CPLX2: variants seen among roughly 807,000 people sequenced by gnomAD.
The protein encoded by CPLX2 is complexin-2.
A neutral mutation model predicts 16.3 loss-of-function variants in CPLX2; 5 were observed. The observed-to-expected ratio is 0.31, with a 90% confidence interval of 0.16 to 0.64. CPLX2 has a LOEUF of 0.64. Among genes scored for constraint, CPLX2 ranks in the 30% least tolerant of loss-of-function variants. The probability of loss-of-function intolerance (pLI) is 0.79; values close to 1 mark genes in which losing one functional copy is unlikely to be tolerated. For missense variants in CPLX2, 144 were observed against 181.4 expected (o/e 0.79, Z 1.18); for synonymous variants, 89 against 73.2 (o/e 1.22, Z -1.10).
At chr5:175,846,295 G>A (rs1759043197) in intron 2 of CPLX2, among the ~76,000 whole-genome samples, 1 of 152,146 alleles carries the variant, frequency 6.6e-6, no homozygotes, top group Non-Finnish European at 1.5e-5. Context: ...CCTGTGGTCA[G>A]CCCCGCAGTA....
rs73803063 is a variant in CPLX2, at chr5:175,843,784, T to C, written c.-89+34716T>C. Reference sequence around the variant, plus strand: ...TAGGTGCTGGCTCCTCTCACCTGGGTTCCTCCAACTGAGGGGAAAGCCTCA... The same window carrying C: ...TAGGTGCTGGCTCCTCTCACCTGGGCTCCTCCAACTGAGGGGAAAGCCTCA... On this transcript the variant is annotated intron_variant, in intron 2 of 4. Transcript: ENST00000359546. Among the ~76,000 whole-genome samples the C allele has an allele frequency of 2.4e-3, 364 of 152,304 alleles. 2 individuals are homozygous for C. The highest frequency in any genetic ancestry group is 8.3e-3 in the African/African-American group (345 of 41,570).
Position 175,849,518 on chromosome 5 carries a change from G to A in CPLX2, c.-88-29134G>A, listed in dbSNP as rs1759111711. Among the ~76,000 whole-genome samples, 1 of 152,204 alleles carries A rather than the reference G, an allele frequency of 6.6e-6. No individual in the cohort carries two copies. The highest frequency in any genetic ancestry group is 6.5e-5 in the Admixed American group (1 of 15,288). On this transcript the variant is annotated intron_variant, in intron 2 of 4. Coordinates refer to the CPLX2 transcript ENST00000359546. The surrounding 1 kb of genome is among the most constrained non-coding windows in gnomAD (Gnocchi z 4.4). ...TTGACCTTGAGGGGCTCCCAGCATG[G>A]CTGGGGAGATAGCACATAAGCAGAG...
intron 2 of CPLX2, among the ~76,000 whole-genome samples, chr5:175,825,937 C>CAAA (rs35250246): frequency 0.012 from 528 of 44,346 alleles, 47 homozygotes; most frequent in South Asian, 0.024. Flanking sequence ...TGAATAAGTG[C>CAAA]AAAAAAAAAA....
intron 1 of CPLX2, among the ~76,000 whole-genome samples, chr5:175,808,240 A>G (rs1263289489): frequency 2.0e-5 from 3 of 152,088 alleles, no homozygotes; most frequent in African/African-American, 4.8e-5. Flanking sequence ...TCATCTATCA[A>G]ATGAGGATGG....
chr5:175,873,473 T>A (rs1423444831), intron 1 of CPLX2, among the ~76,000 whole-genome samples: 1 of 152,012 alleles, frequency 6.6e-6, no homozygotes, highest in Non-Finnish European at 1.5e-5. Context: ...ACTGGTCCTG[T>A]CCTGAGAGGA....
intron 2 of CPLX2, among the ~76,000 whole-genome samples, chr5:175,862,180 A>G (rs891522113): frequency 5.9e-5 from 9 of 152,240 alleles, no homozygotes; most frequent in African/African-American, 1.9e-4. Flanking sequence ...TCCCTGGCAT[A>G]CAGTAGATGC....
intron 2 of CPLX2, among the ~76,000 whole-genome samples, chr5:175,865,510 C>T (rs1271366343): frequency 3.3e-5 from 5 of 152,186 alleles, no homozygotes. Context: ...ACTAAAAATT[C>T]CTCCTAGAAC....
In CPLX2 at chr5:175,816,669, G is replaced by A. The variant is rs11959594; in HGVS notation, c.-89+7601G>A. Among the ~76,000 whole-genome samples, 1,269 of 152,340 alleles carry A rather than the reference G, an allele frequency of 8.3e-3. 21 individuals are homozygous for A. Among genetic ancestry groups the A allele is most frequent in the African/African-American group, 0.03 (1,236 of 41,578 alleles). ...TCCAAAAGGAGGACTTGGGCTATGC[G>A]TGGGGCAGAGGCAGCCAGGAACCAG... On this transcript the variant is annotated intron_variant, in intron 2 of 4. Transcript: ENST00000359546.
chr5:175,871,430 A>ACAGAGAGAGAGG, upstream of CPLX2: 1 of 109,554 alleles, frequency 9.1e-6, no homozygotes, highest in East Asian at 2.8e-4. Flanking sequence ...AGAGAGAGAG[A>ACAGAGAGAGAGG]GACAGAGAGA....
In CPLX2 at chr5:175,843,247, C is replaced by G. The variant is rs532479361; in HGVS notation, c.-89+34179C>G. Among the ~76,000 whole-genome samples the G allele has an allele frequency of 3.9e-3, 600 of 152,332 alleles. 8 individuals are homozygous for G. Among genetic ancestry groups the G allele is most frequent in the African/African-American group, 0.013 (541 of 41,578 alleles). On this transcript the variant is annotated intron_variant, in intron 2 of 4. Coordinates refer to the CPLX2 transcript ENST00000359546. The stretch of plus-strand genomic sequence containing the variant: ...CCTCCTCCAGCCCCTCTCTCGAGCT[C>G]TGCCTTCCCCACAAGCCTTTGATGG...
chr5:175,854,271 C>T (rs1369689300), intron 2 of CPLX2, among the ~76,000 whole-genome samples: 1 of 152,190 alleles, frequency 6.6e-6, no homozygotes, highest in Non-Finnish European at 1.5e-5. Context: ...GCCAGGCCTT[C>T]GTTTGCTGGA....
chr5:175,848,044 G>A (rs912787019), intron 2 of CPLX2, among the ~76,000 whole-genome samples: 1 of 152,242 alleles, frequency 6.6e-6, no homozygotes, highest in Non-Finnish European at 1.5e-5. Flanking sequence ...CCAAAGAGAT[G>A]TTTAGACACA....
intron 2 of CPLX2, among the ~76,000 whole-genome samples, chr5:175,833,031 C>A (rs1432661053): frequency 6.6e-6 from 1 of 152,010 alleles, no homozygotes; most frequent in Non-Finnish European, 1.5e-5. Context: ...TGGCAGGCAC[C>A]TATAATCCCA....
At chr5:175,851,137 G>A (rs1285038594) in intron 2 of CPLX2, among the ~76,000 whole-genome samples, 1 of 152,044 alleles carries the variant, frequency 6.6e-6, no homozygotes, top group East Asian at 1.9e-4. Flanking sequence ...GTGGACAGGT[G>A]GCTGTACCAC....
intron 2 of CPLX2, among the ~76,000 whole-genome samples, chr5:175,814,761 G>A (rs1223638168): frequency 6.6e-6 from 1 of 152,160 alleles, no homozygotes; most frequent in Non-Finnish European, 1.5e-5. Flanking sequence ...TGCACAAGGG[G>A]TCTGGAAGCA....
Position 175,883,522 on chromosome 5 carries a change from A to G in CPLX2, c.*3477A>G, listed in dbSNP as rs3180249. ...CCTTGTGGCTAGAGTACAGTGGGGTAGACCCTCCAGCCCCAATAGCCCTAG... is the reference window on the plus strand; with the variant it reads ...CCTTGTGGCTAGAGTACAGTGGGGTGGACCCTCCAGCCCCAATAGCCCTAG... On this transcript the variant is annotated 3_prime_UTR_variant, in exon 4 of 4. Transcript: ENST00000393745. 108,116 of 152,054 alleles carry G rather than the reference A, an allele frequency of 0.71. 38,853 individuals are homozygous for G. Among genetic ancestry groups the G allele is most frequent in the East Asian group, 0.87 (4,489 of 5,154 alleles). The allele number at this position is 152,054 out of a possible 1,614,324, so 9.4% of individuals were successfully genotyped here. A position where few individuals can be genotyped will look rare whatever the true frequency, so the allele number is the denominator to read the frequency against.
chr5:175,859,162 G>C (rs1398338347), intron 2 of CPLX2, among the ~76,000 whole-genome samples: 1 of 152,188 alleles, frequency 6.6e-6, no homozygotes, highest in Admixed American at 6.5e-5. Flanking sequence ...CATCTGAGAG[G>C]CTATTGCAAA....
In CPLX2 at chr5:175,799,554, A is replaced by ATATT. The variant is rs1561766338; in HGVS notation, c.-169+2773_-169+2774insTTAT. ...TTGCAAATTTCATATATATATATAT[A>ATATT]TATATATATATATATATATATAGTA... is the stretch of plus-strand genomic sequence containing the variant. On this transcript the variant is annotated intron_variant, in intron 1 of 4. Coordinates refer to the CPLX2 transcript ENST00000359546. 5.5e-4 allele frequency among the ~76,000 whole-genome samples: 74 copies of ATATT among 135,190 alleles called. 3 individuals are homozygous for ATATT. Among genetic ancestry groups the ATATT allele is most frequent in the East Asian group, 4.8e-3 (24 of 4,966 alleles). The allele number at this position is 135,190 out of a possible 152,430, so 88.7% of individuals were successfully genotyped here. A position where few individuals can be genotyped will look rare whatever the true frequency, so the allele number is the denominator to read the frequency against.
intron 2 of CPLX2, among the ~76,000 whole-genome samples, chr5:175,843,425 C>T (rs1026481170): frequency 2.0e-5 from 3 of 152,092 alleles, no homozygotes; most frequent in African/African-American, 7.3e-5. Flanking sequence ...CCTAGGCACG[C>T]ATACACCAGG....
Sources: gnomAD v4.1 joint callset for allele counts (sites outside exome capture counted in the v4.1 genomes callset) on GRCh38, gnomAD v4.1.1 for gene constraint, Gnocchi (gnomAD v3.1) non-coding constraint, MANE v1.5 for transcripts, NCBI Gene and HGNC (gene_info 2026-07-23, HGNC 2026-07-21) for gene names.